COL14A1: variants seen among roughly 807,000 people sequenced by gnomAD.
COL14A1 encodes the protein collagen alpha-1(XIV) chain.
Under a neutral mutation model 230.3 loss-of-function variants are expected in COL14A1, and 136 were observed. The observed-to-expected ratio is 0.59, with a 90% CI of 0.51 to 0.68. The LOEUF (loss-of-function observed/expected upper bound fraction) is 0.68, where lower values mean the gene tolerates loss of function less well. Among genes scored for constraint, COL14A1 ranks in the 30% least tolerant of loss-of-function variants. The pLI, the probability that COL14A1 is intolerant of heterozygous loss-of-function variation, is 0.00. For synonymous variants in COL14A1, 792 were observed against 784.1 expected (o/e 1.01, Z -0.17); for missense variants, 1,976 against 2,215.8 (o/e 0.89, Z 2.17).
chr8:120,289,108 T>G (rs1820293114), intron 33 of COL14A1, among the ~76,000 whole-genome samples: 1 of 152,156 alleles, frequency 6.6e-6, no homozygotes, highest in African/African-American at 2.4e-5. Flanking sequence ...TGAACCTGGG[T>G]TCACCAGAAA....
intron 26 of COL14A1, among the ~76,000 whole-genome samples, chr8:120,272,813 C>A (rs573341591): frequency 6.6e-6 from 1 of 151,560 alleles, no homozygotes; most frequent in East Asian, 1.9e-4. Flanking sequence ...TACTGCTAGA[C>A]CTAAGAAGTA....
intron 14 of COL14A1, among the ~76,000 whole-genome samples, chr8:120,220,877 C>T (rs988298231): frequency 3.9e-5 from 6 of 151,994 alleles, no homozygotes; most frequent in African/African-American, 1.4e-4. Flanking sequence ...ATGATGACAA[C>T]GATGATAATA....
intron 14 of COL14A1, among the ~76,000 whole-genome samples, chr8:120,221,991 T>A (rs1468706793): frequency 9.6e-6 from 1 of 104,054 alleles, no homozygotes; most frequent in Non-Finnish European, 1.9e-5. Context: ...CACATTTTTT[T>A]AACATGGGTT....
At chr8:120,220,002 G>T (rs754227853) in intron 14 of COL14A1, among the ~76,000 whole-genome samples, 25 of 152,030 alleles carry the variant, frequency 1.6e-4, no homozygotes, top group Non-Finnish European at 2.9e-4. Flanking sequence ...GTGTGTGTGT[G>T]TTTTTCTTAT....
intron 5 of COL14A1, among the ~76,000 whole-genome samples, chr8:120,176,356 G>A (rs574967919): frequency 2.6e-4 from 39 of 152,210 alleles, no homozygotes; most frequent in African/African-American, 8.9e-4. Flanking sequence ...CTTGGAGAAG[G>A]GCCAGTTCTG....
At chr8:120,130,260 C>G (rs1223282274) in intron 1 of COL14A1, among the ~76,000 whole-genome samples, 3 of 152,188 alleles carry the variant, frequency 2.0e-5, no homozygotes, top group Admixed American at 2.0e-4. Context: ...TTGGCATAAG[C>G]TCCTTATCTC....
intron 24 of COL14A1, among the ~76,000 whole-genome samples, chr8:120,263,294 C>T (rs866562491): frequency 6.6e-6 from 1 of 152,160 alleles, no homozygotes; most frequent in Non-Finnish European, 1.5e-5. Flanking sequence ...ACATTGTGAT[C>T]CAGATCCATA....
intron 45 of COL14A1, among the ~76,000 whole-genome samples, chr8:120,347,790 T>C (rs555436476): frequency 6.6e-6 from 1 of 152,338 alleles, no homozygotes; most frequent in South Asian, 2.1e-4. Flanking sequence ...TTTTCTGCTG[T>C]ATAAAATATG....
intron 3 of COL14A1, among the ~76,000 whole-genome samples, chr8:120,161,342 A>G (rs1462804541): frequency 6.6e-6 from 1 of 152,236 alleles, no homozygotes; most frequent in Non-Finnish European, 1.5e-5. Flanking sequence ...CAGACACATA[A>G]TTGCAGGCAA....
chr8:120,132,917 G>C (rs953329720), intron 1 of COL14A1, among the ~76,000 whole-genome samples: 1 of 151,956 alleles, frequency 6.6e-6, no homozygotes, highest in South Asian at 2.1e-4. Context: ...TAAAAATACC[G>C]TGCTATTATA....
intron 45 of COL14A1, among the ~76,000 whole-genome samples, chr8:120,360,370 T>C (rs77310178): frequency 0.02 from 3,083 of 152,296 alleles, 107 homozygotes; most frequent in African/African-American, 0.068. Context: ...TATCTCTCCA[T>C]AGTCTGGCAC....
rs1823121882 is a variant in COL14A1 at position 120,359,676 on chromosome 8, T to C, written c.5078-7495T>C. 3.3e-5 allele frequency among the ~76,000 whole-genome samples: 5 copies of C among 152,190 alleles called. No homozygotes were observed. The South Asian group carries it at 1.0e-3, about 32-fold the overall frequency. On this transcript the variant is annotated intron_variant, in intron 45 of 47. Coordinates refer to ENST00000297848, the MANE Select transcript of COL14A1 (RefSeq NM_021110.4). The stretch of plus-strand genomic sequence containing the variant: ...AAATTTTGTAGCAGAAAGTAATAGA[T>C]TGGCATTTGATCTAACATTCTTATG...
At chr8:120,230,748 G>A (rs890951007) in intron 18 of COL14A1, among the ~76,000 whole-genome samples, 5 of 152,102 alleles carry the variant, frequency 3.3e-5, no homozygotes, top group African/African-American at 9.7e-5. Flanking sequence ...AAAGTTCAAT[G>A]AATATTTTCT....
At chr8:120,229,687 A>C (rs1434158002) in intron 18 of COL14A1, among the ~76,000 whole-genome samples, 2 of 152,140 alleles carry the variant, frequency 1.3e-5, no homozygotes, top group East Asian at 3.9e-4. Context: ...GAATCGCCAC[A>C]CTGTCTTCCA....
rs143256757 is a variant in COL14A1 at position 120,226,773 on chromosome 8, T to A, written c.2004+7T>A. 48 of 1,611,386 alleles carry A rather than the reference T, an allele frequency of 3.0e-5. No individual in the cohort carries two copies. In the East Asian group the frequency reaches 1.0e-3, roughly 35 times the overall value. ...TGGGGGGAAGACTGAGGAGGTGAGT[T>A]TTCTGAAACAGACTGAAAATTAATC... On this transcript the variant is annotated splice_region_variant and intron_variant, in intron 16 of 47. Transcript: ENST00000297848.
At chr8:120,307,405 T>A (rs747618288) in intron 36 of COL14A1, among the ~76,000 whole-genome samples, 3 of 152,222 alleles carry the variant, frequency 2.0e-5, no homozygotes, top group Non-Finnish European at 4.4e-5. Flanking sequence ...TGGTCTTCCA[T>A]GTAGAAAATA....
At chr8:120,144,982 C>T (rs1339936773) in intron 1 of COL14A1, among the ~76,000 whole-genome samples, 1 of 151,788 alleles carries the variant, frequency 6.6e-6, no homozygotes, top group African/African-American at 2.4e-5. Context: ...ATGAAATTGT[C>T]AGGCAAAAAA....
Position 120,364,089 on chromosome 8 carries a change from ATGAGTCTCC to A in COL14A1, c.5078-3073_5078-3065del, listed in dbSNP as rs561216603. Among the ~76,000 whole-genome samples, 731 of 152,124 alleles carry A rather than the reference ATGAGTCTCC, an allele frequency of 4.8e-3. 12 individuals are homozygous for A. The highest frequency in any genetic ancestry group is 5.0e-3 in the Admixed American group (76 of 15,272). On this transcript the variant is annotated intron_variant, in intron 45 of 47. Coordinates refer to ENST00000297848, the MANE Select transcript of COL14A1 (RefSeq NM_021110.4). ...AAGGAAATTAGCATTTGGGAGTCCC[ATGAGTCTCC>A]TGAGTCTCGGTGTTTTTGTGGAAAG...
chr8:120,197,717 G>A (rs1156859896), intron 6 of COL14A1, 94 bp from the exon 7 acceptor site: 26 of 1,395,920 alleles, frequency 1.9e-5, no homozygotes, highest in Non-Finnish European at 2.5e-5. Context: ...TTTTTGCAAA[G>A]ATGAGGCCTT....
Sources: allele counts gnomAD v4.1 joint callset (sites outside exome capture counted in the v4.1 genomes callset), GRCh38; gene constraint gnomAD v4.1.1; transcripts MANE v1.5; gene names NCBI Gene and HGNC (gene_info 2026-07-23, HGNC 2026-07-21).